Variants in SLC35D4 observed in about 807,000 individuals in gnomAD.
The protein encoded by SLC35D4 is solute carrier family 35 member D4.
chr18:23,402,513 T>C, the SLC35D4 span, among the ~76,000 whole-genome samples: 1 of 152,210 alleles, frequency 6.6e-6, no homozygotes, highest in Non-Finnish European at 1.5e-5. Context: ...CAGCAAAAGA[T>C]GATTCCCTAG....
At chr18:23,314,868 C>G in the SLC35D4 span, among the ~76,000 whole-genome samples, 727 of 152,308 alleles carry the variant, frequency 4.8e-3, 6 homozygotes, top group African/African-American at 0.017. Context: ...AGGTGTCAGC[C>G]GCAGGGCTTT....
chr18:23,437,864 T>C, the SLC35D4 span: 3 of 1,610,330 alleles, frequency 1.9e-6, no homozygotes, highest in Non-Finnish European at 2.5e-6. Flanking sequence ...TGTCAACTCG[T>C]CCCCTTCTCG....
chr18:23,246,430 C>T, the SLC35D4 span, among the ~76,000 whole-genome samples: 24 of 151,996 alleles, frequency 1.6e-4, no homozygotes, highest in East Asian at 1.7e-3. Flanking sequence ...CTTGCTCTGT[C>T]GCCCAGGCTG....
chr18:23,420,793 T>A, the SLC35D4 span, among the ~76,000 whole-genome samples: 1 of 152,180 alleles, frequency 6.6e-6, no homozygotes, highest in Non-Finnish European at 1.5e-5. Context: ...AAAATATATA[T>A]CTCAATTAAC....
chr18:23,334,440 A>G, the SLC35D4 span, among the ~76,000 whole-genome samples: 9 of 152,218 alleles, frequency 5.9e-5, no homozygotes, highest in African/African-American at 1.7e-4. Flanking sequence ...AACTGCACAG[A>G]AACAACCAAA....
the SLC35D4 span, chr18:23,421,541 G>T: frequency 9.6e-7 from 1 of 1,040,388 alleles, no homozygotes; most frequent in Non-Finnish European, 1.5e-6. Flanking sequence ...AAAGAGACAA[G>T]TTCAACTCTA....
chr18:23,385,437 T>C, the SLC35D4 span, among the ~76,000 whole-genome samples: 1 of 152,074 alleles, frequency 6.6e-6, no homozygotes, highest in Non-Finnish European at 1.5e-5. Flanking sequence ...TTAGAGGAAG[T>C]GAAGTCCAAG....
At chr18:23,342,565 A>G in the SLC35D4 span, among the ~76,000 whole-genome samples, 2 of 152,106 alleles carry the variant, frequency 1.3e-5, no homozygotes, top group African/African-American at 2.4e-5. Context: ...GTGGCCATAT[A>G]CTTTCATTTC....
At chr18:23,346,749 G>A in the SLC35D4 span, among the ~76,000 whole-genome samples, 5 of 152,044 alleles carry the variant, frequency 3.3e-5, no homozygotes, top group Admixed American at 3.3e-4. Context: ...GCTAGATTTT[G>A]TCATGATTTT....
chr18:23,273,305 T>C, the SLC35D4 span, among the ~76,000 whole-genome samples: 1 of 152,152 alleles, frequency 6.6e-6, no homozygotes, highest in Non-Finnish European at 1.5e-5. Context: ...ACTCCTCGAC[T>C]GCAAAAAGAA....
the SLC35D4 span, among the ~76,000 whole-genome samples, chr18:23,358,680 C>T: frequency 6.6e-6 from 1 of 152,160 alleles, no homozygotes; most frequent in African/African-American, 2.4e-5. Flanking sequence ...CTCACCCCTG[C>T]ACCCACTGTG....
At chr18:23,329,275 C>G in the SLC35D4 span, among the ~76,000 whole-genome samples, 1 of 152,160 alleles carries the variant, frequency 6.6e-6, no homozygotes, top group African/African-American at 2.4e-5. Context: ...AGGCAACCTA[C>G]AGAATGGGAG....
the SLC35D4 span, among the ~76,000 whole-genome samples, chr18:23,283,466 A>T: frequency 8.4e-6 from 1 of 118,962 alleles, no homozygotes; most frequent in Non-Finnish European, 1.7e-5. Flanking sequence ...AGAGAGACCC[A>T]GTCTCAAAAA....
chr18:23,284,725 A>C, the SLC35D4 span, among the ~76,000 whole-genome samples: 1 of 152,162 alleles, frequency 6.6e-6, no homozygotes. Flanking sequence ...TTTTTCCATT[A>C]ACCACACTGG....
At chr18:23,266,854 T>C in the SLC35D4 span, among the ~76,000 whole-genome samples, 1 of 152,216 alleles carries the variant, frequency 6.6e-6, no homozygotes, top group Non-Finnish European at 1.5e-5. Context: ...AGCAGCTTGT[T>C]GGATTCTCTC....
At chr18:23,276,098 T>A in the SLC35D4 span, among the ~76,000 whole-genome samples, 2 of 152,000 alleles carry the variant, frequency 1.3e-5, no homozygotes, top group African/African-American at 4.8e-5. Flanking sequence ...GGCACCTTTT[T>A]TTTTTCTGAG....
At chr18:23,337,289 T>C in the SLC35D4 span, among the ~76,000 whole-genome samples, 4 of 152,022 alleles carry the variant, frequency 2.6e-5, no homozygotes, top group African/African-American at 9.7e-5. Context: ...CTGGCTAACA[T>C]GGTGAAACCC....
chr18:23,278,738 G>A, the SLC35D4 span, among the ~76,000 whole-genome samples: 1 of 152,124 alleles, frequency 6.6e-6, no homozygotes, highest in Non-Finnish European at 1.5e-5. Context: ...TGGGTGTGGA[G>A]ACTCAAGCCT....
chr18:23,353,658 T>A, the SLC35D4 span, among the ~76,000 whole-genome samples: 1 of 152,166 alleles, frequency 6.6e-6, no homozygotes, highest in East Asian at 1.9e-4. Flanking sequence ...CCAATTTGCA[T>A]CAGCAGTCAT....
Sources: gnomAD v4.1 joint callset for allele counts (sites outside exome capture counted in the v4.1 genomes callset) on GRCh38, gnomAD v4.1.1 for gene constraint, MANE v1.5 for transcripts, NCBI Gene and HGNC (gene_info 2026-07-23, HGNC 2026-07-21) for gene names.